The following PARD3 variants were observed in gnomAD, a reference collection of about 807,000 sequenced individuals.
The protein encoded by PARD3 is partitioning defective 3 homolog.
PARD3 carries 75 observed loss-of-function variants against 155.4 expected under a neutral mutation model. The observed-to-expected ratio is 0.48, with a 90% CI of 0.40 to 0.58. The LOEUF (loss-of-function observed/expected upper bound fraction) is 0.58, where lower values mean the gene tolerates loss of function less well. PARD3 is among the 20% of genes least tolerant of loss of function. PARD3 has a pLI of 0.00. For missense variants in PARD3, 1,642 were observed against 1,721.7 expected, an observed-to-expected ratio of 0.95 and a Z score of 0.82; for synonymous variants, 576 against 610.5, an observed-to-expected ratio of 0.94 and a Z score of 0.83.
At chr10:34,384,334 T>C (rs1398620771) in intron 7 of PARD3, 80 bp from the exon 8 acceptor site, 48 of 1,276,492 alleles carry the variant, frequency 3.8e-5, no homozygotes, top group Non-Finnish European at 4.9e-5. Flanking sequence ...ATGCTGTTAT[T>C]ATATTTACAA....
intron 22 of PARD3, among the ~76,000 whole-genome samples, chr10:34,251,405 G>A (rs769462262): frequency 5.3e-5 from 8 of 152,190 alleles, no homozygotes; most frequent in Non-Finnish European, 1.0e-4. Flanking sequence ...TGCTCTGTGT[G>A]CCAGGCAGTG....
chr10:34,694,633 G>C (rs1234725437), intron 2 of PARD3, among the ~76,000 whole-genome samples: 2 of 151,776 alleles, frequency 1.3e-5, no homozygotes, highest in Admixed American at 1.3e-4. Flanking sequence ...ACCACAGCCG[G>C]CTAATTTTTT....
intron 5 of PARD3, among the ~76,000 whole-genome samples, chr10:34,410,558 A>G (rs1844942819): frequency 6.6e-6 from 1 of 152,212 alleles, no homozygotes; most frequent in Non-Finnish European, 1.5e-5. Flanking sequence ...AATGTTTCAA[A>G]TGGCATGATC....
intron 1 of PARD3, among the ~76,000 whole-genome samples, chr10:34,776,551 A>AT (rs753285825): frequency 0.041 from 5,822 of 142,910 alleles, 154 homozygotes; most frequent in African/African-American, 0.081. Flanking sequence ...TTCTTGAACA[A>AT]TTTTTTTTTT....
intron 3 of PARD3, among the ~76,000 whole-genome samples, chr10:34,480,641 AG>A (rs1046462623): frequency 5.9e-5 from 9 of 152,184 alleles, no homozygotes; most frequent in African/African-American, 1.9e-4. Context: ...ACCCCAACAA[AG>A]TAGGAACAAA....
chr10:34,747,139 A>T (rs1835424983), intron 1 of PARD3, among the ~76,000 whole-genome samples: 1 of 152,182 alleles, frequency 6.6e-6, no homozygotes, highest in African/African-American at 2.4e-5. Flanking sequence ...AAGAACAGAA[A>T]TTTGTACATT....
At chr10:34,439,615 C>G (rs1018184203) in intron 5 of PARD3, among the ~76,000 whole-genome samples, 1 of 152,020 alleles carries the variant, frequency 6.6e-6, no homozygotes, top group African/African-American at 2.4e-5. Flanking sequence ...TGCCACCACA[C>G]CCAGCTAATT....
At chr10:34,431,877 G>A (rs1328327059) in intron 5 of PARD3, among the ~76,000 whole-genome samples, 2 of 148,960 alleles carry the variant, frequency 1.3e-5, no homozygotes, top group Non-Finnish European at 3.0e-5. Context: ...GTGAAACCCC[G>A]TATCTACTAA....
intron 1 of PARD3, among the ~76,000 whole-genome samples, chr10:34,804,096 C>T (rs1843103538): frequency 1.3e-5 from 2 of 150,700 alleles, no homozygotes; most frequent in South Asian, 2.1e-4. Flanking sequence ...TGCAGTGGCA[C>T]GATCTCAGCT....
At chr10:34,143,311 A>AAACAAC (rs369606332) in intron 22 of PARD3, among the ~76,000 whole-genome samples, 2 of 152,096 alleles carry the variant, frequency 1.3e-5, no homozygotes, top group South Asian at 2.1e-4. Flanking sequence ...CTCTGTCTCA[A>AAACAAC]AACAACAACA....
At chr10:34,253,599 T>G (rs1954458670) in intron 22 of PARD3, among the ~76,000 whole-genome samples, 1 of 152,136 alleles carries the variant, frequency 6.6e-6, no homozygotes, top group Non-Finnish European at 1.5e-5. Context: ...TCTTAAGGCC[T>G]CAGCTACCTG....
intron 12 of PARD3, among the ~76,000 whole-genome samples, chr10:34,368,529 A>G (rs1840219174): frequency 6.6e-6 from 1 of 152,044 alleles, no homozygotes; most frequent in South Asian, 2.1e-4. Context: ...AAAATTAGCC[A>G]GGCATGGTGG....
At chr10:34,438,073 C>T (rs1405823307) in intron 5 of PARD3, among the ~76,000 whole-genome samples, 1 of 152,150 alleles carries the variant, frequency 6.6e-6, no homozygotes, top group Non-Finnish European at 1.5e-5. Flanking sequence ...AGGTGGCTTT[C>T]CCACGGCTAG....
At chr10:34,625,370 G>C (rs1281169263) in intron 2 of PARD3, among the ~76,000 whole-genome samples, 2 of 152,156 alleles carry the variant, frequency 1.3e-5, no homozygotes, top group Non-Finnish European at 2.9e-5. Context: ...CAAATTTCTT[G>C]GTGTAAATCT....
intron 19 of PARD3, among the ~76,000 whole-genome samples, chr10:34,322,067 C>G (rs1958415581): frequency 6.6e-6 from 1 of 151,972 alleles, no homozygotes; most frequent in Non-Finnish European, 1.5e-5. Context: ...ACTCTGTGTC[C>G]AGGAATGCAA....
At chr10:34,314,805 T>C (rs1291124659) in intron 20 of PARD3, among the ~76,000 whole-genome samples, 1 of 152,194 alleles carries the variant, frequency 6.6e-6, no homozygotes, top group Non-Finnish European at 1.5e-5. Context: ...AATTAGGAAG[T>C]GATGCATTTC....
intron 5 of PARD3, among the ~76,000 whole-genome samples, chr10:34,420,058 T>C (rs1433048405): frequency 6.6e-6 from 1 of 152,212 alleles, no homozygotes; most frequent in Non-Finnish European, 1.5e-5. Flanking sequence ...CTCAAGTGAT[T>C]CTTCCACCTC....
intron 2 of PARD3, among the ~76,000 whole-genome samples, chr10:34,592,354 C>G (rs972335953): frequency 1.3e-5 from 2 of 152,192 alleles, no homozygotes; most frequent in Non-Finnish European, 2.9e-5. Context: ...TACAAAGGCA[C>G]AGGTGAGGAC....
intron 2 of PARD3, among the ~76,000 whole-genome samples, chr10:34,675,386 G>T (rs1335263290): frequency 6.6e-6 from 1 of 152,180 alleles, no homozygotes; most frequent in African/African-American, 2.4e-5. Flanking sequence ...CAAAGAAGAT[G>T]ATTGAAGTCC....
Sources: allele counts gnomAD v4.1 joint callset (sites outside exome capture counted in the v4.1 genomes callset), GRCh38; gene constraint gnomAD v4.1.1; transcripts MANE v1.5; gene names NCBI Gene and HGNC (gene_info 2026-07-23, HGNC 2026-07-21).